LPAR1: variants seen among roughly 807,000 people sequenced by gnomAD.
LPAR1 encodes the protein LPA receptor 1.
A neutral mutation model predicts 23.8 loss-of-function variants in LPAR1; 5 were observed. The observed-to-expected ratio is 0.21, with a 90% CI of 0.11 to 0.44. The LOEUF (loss-of-function observed/expected upper bound fraction) is 0.44. LPAR1 is among the 20% of genes least tolerant of loss of function. The pLI is 0.99. For synonymous variants in LPAR1, 160 were observed against 164.7 expected (o/e 0.97, Z 0.22); for missense variants, 311 against 482.8 (o/e 0.64, Z 3.33).
chr9:110,882,357 A>G (rs1468423173), intron 5 of LPAR1, among the ~76,000 whole-genome samples: 1 of 152,234 alleles, frequency 6.6e-6, no homozygotes, highest in Non-Finnish European at 1.5e-5. Flanking sequence ...TTAGCAAGTC[A>G]TAGCTAAGCG....
At chr9:110,888,440 T>C (rs1186918771) in intron 5 of LPAR1, among the ~76,000 whole-genome samples, 1 of 152,184 alleles carries the variant, frequency 6.6e-6, no homozygotes, top group Non-Finnish European at 1.5e-5. Context: ...TTTACATTAA[T>C]TGAATGTTAA....
intron 2 of LPAR1, among the ~76,000 whole-genome samples, chr9:111,002,739 G>A (rs780818797): frequency 7.9e-5 from 12 of 152,108 alleles, no homozygotes; most frequent in African/African-American, 2.7e-4. Flanking sequence ...AAGGCTAATG[G>A]AACAAAGCAA....
intron 5 of LPAR1, chr9:110,934,637 T>G (rs1310750929): frequency 6.6e-6 from 1 of 152,218 alleles, no homozygotes; most frequent in African/African-American, 2.4e-5. Context: ...GTTACTGTCC[T>G]TATAATTTTA....
intron 2 of LPAR1, among the ~76,000 whole-genome samples, chr9:111,016,054 T>C (rs995315281): frequency 2.6e-5 from 4 of 152,248 alleles, no homozygotes; most frequent in African/African-American, 9.6e-5. Context: ...CAGCTGTCTT[T>C]GCATATGCAC....
At chr9:110,969,101 T>G (rs2096321435) in intron 4 of LPAR1, among the ~76,000 whole-genome samples, 2 of 152,148 alleles carry the variant, frequency 1.3e-5, no homozygotes, top group Non-Finnish European at 2.9e-5. Flanking sequence ...TTAAATTTTT[T>G]CTAATGAGAA....
chr9:110,965,708 G>T (rs772539577), intron 4 of LPAR1, among the ~76,000 whole-genome samples: 1 of 152,230 alleles, frequency 6.6e-6, no homozygotes, highest in Non-Finnish European at 1.5e-5. Flanking sequence ...GTGGAAGACA[G>T]TGTGGTGATT....
At chr9:111,020,559 T>C (rs1588895670) in intron 2 of LPAR1, among the ~76,000 whole-genome samples, 1 of 152,228 alleles carries the variant, frequency 6.6e-6, no homozygotes, top group East Asian at 1.9e-4. Context: ...GAATGCCTTT[T>C]ATGGAATTCT....
At chr9:110,915,770 C>T (rs575087688) in intron 5 of LPAR1, among the ~76,000 whole-genome samples, 55 of 152,076 alleles carry the variant, frequency 3.6e-4, no homozygotes, top group African/African-American at 1.3e-3. Flanking sequence ...GTTTAAATTC[C>T]TTAGATGTAG....
At chr9:111,033,217 C>A (rs2097834262) in intron 2 of LPAR1, among the ~76,000 whole-genome samples, 1 of 152,118 alleles carries the variant, frequency 6.6e-6, no homozygotes, top group African/African-American at 2.4e-5. Context: ...CAGGGACATG[C>A]AAGTATTAAG....
chr9:110,979,300 TA>T (rs896498214), intron 2 of LPAR1, among the ~76,000 whole-genome samples: 198 of 141,756 alleles, frequency 1.4e-3, no homozygotes, highest in Middle Eastern at 3.5e-3. Flanking sequence ...AATGTAGAGT[TA>T]AAAAAAAAAA....
chr9:110,903,882 CAAA>C lies in LPAR1; in HGVS notation c.794-28163_794-28161del, dbSNP rs61456167. ...AATTAAAATTTTGATAAGTGAATTG[CAAA>C]AAAAAAAAAAAAAAAAAAAGTCTTG... is the stretch of plus-strand genomic sequence containing the variant. On this transcript the variant is annotated intron_variant, in intron 5 of 5. Transcript: ENST00000683809. 3.1e-3 allele frequency among the ~76,000 whole-genome samples: 241 copies of C among 77,228 alleles called. 1 individual carries two copies. Among genetic ancestry groups the C allele is most frequent in the African/African-American group, 0.013 (201 of 15,246 alleles). 50.7% of individuals were successfully genotyped at this position (77,228 alleles called of 152,430 possible).
intron 4 of LPAR1, among the ~76,000 whole-genome samples, chr9:110,969,587 C>T (rs984938538): frequency 6.6e-6 from 1 of 151,972 alleles, no homozygotes; most frequent in Non-Finnish European, 1.5e-5. Context: ...AGGCACACAC[C>T]TATAATCCTA....
intron 3 of LPAR1, among the ~76,000 whole-genome samples, chr9:110,972,524 C>T (rs188951759): frequency 1.3e-5 from 2 of 152,172 alleles, no homozygotes; most frequent in Non-Finnish European, 2.9e-5. Context: ...GCCATCCTGC[C>T]ATTAAATAAT....
intron 4 of LPAR1, among the ~76,000 whole-genome samples, chr9:110,967,782 C>T (rs2096272011): frequency 6.6e-6 from 1 of 152,150 alleles, no homozygotes; most frequent in Non-Finnish European, 1.5e-5. Context: ...GCAAGTCAGC[C>T]TTGGACTAAA....
intron 2 of LPAR1, among the ~76,000 whole-genome samples, chr9:110,991,019 G>T (rs1174398104): frequency 6.6e-6 from 1 of 152,016 alleles, no homozygotes; most frequent in Non-Finnish European, 1.5e-5. Flanking sequence ...ATATCCATAA[G>T]CAAAAATATA....
intron 2 of LPAR1, among the ~76,000 whole-genome samples, chr9:111,008,065 T>A (rs1324974179): frequency 6.6e-6 from 1 of 151,562 alleles, no homozygotes; most frequent in Non-Finnish European, 1.5e-5. Context: ...TCCCAGCTAC[T>A]CGGTAGGCTA....
intron 4 of LPAR1, among the ~76,000 whole-genome samples, chr9:110,961,326 A>C (rs12380265): frequency 0.23 from 34,471 of 151,798 alleles, 4,442 homozygotes; most frequent in Admixed American, 0.3. Flanking sequence ...TATTAAAAAA[A>C]AAAGAGGTTT....
At chr9:110,968,004 G>T (rs376027611) in intron 4 of LPAR1, among the ~76,000 whole-genome samples, 105 of 152,130 alleles carry the variant, frequency 6.9e-4, no homozygotes, top group Non-Finnish European at 1.4e-3. Context: ...CCCAAAATAC[G>T]GTGAGAATAA....
chr9:111,036,322 G>A (rs1263695795), intron 1 of LPAR1, 121 bp from the exon 2 acceptor site: 1 of 150,988 alleles, frequency 6.6e-6, no homozygotes, highest in African/African-American at 2.4e-5. Flanking sequence ...AATAATAAAG[G>A]TAACAAGAGA....
Sources: gnomAD v4.1 joint callset for allele counts (sites outside exome capture counted in the v4.1 genomes callset) on GRCh38, gnomAD v4.1.1 for gene constraint, MANE v1.5 for transcripts, NCBI Gene and HGNC (gene_info 2026-07-23, HGNC 2026-07-21) for gene names.